Variants in ADGRF1 observed in about 807,000 individuals in gnomAD.
The protein encoded by ADGRF1 is adhesion G protein-coupled receptor F1, also known as G protein-coupled receptor 110.
In ADGRF1, 85 loss-of-function variants were observed where a neutral mutation model predicts 87.2. The observed-to-expected ratio is 0.97, with a 90% confidence interval of 0.82 to 1.17. The LOEUF (loss-of-function observed/expected upper bound fraction) is 1.17. Among genes scored for constraint, ADGRF1 ranks in the 50% most tolerant of loss-of-function variants. The probability of loss-of-function intolerance (pLI) is 0.00; values close to 1 mark genes in which losing one functional copy is unlikely to be tolerated. For synonymous variants in ADGRF1, 430 were observed against 408.8 expected, an observed-to-expected ratio of 1.05 and a Z score of -0.63; for missense variants, 1,169 against 1,077.2, an observed-to-expected ratio of 1.09 and a Z score of -1.19.
At chr6:47,025,310 A>C (rs1198376873) in intron 4 of ADGRF1, among the ~76,000 whole-genome samples, 1 of 152,224 alleles carries the variant, frequency 6.6e-6, no homozygotes, top group African/African-American at 2.4e-5. Flanking sequence ...AGACAAATGA[A>C]GAATTTGCAT....
chr6:47,001,071 G>A (rs1410810374), intron 14 of ADGRF1, among the ~76,000 whole-genome samples: 2 of 152,242 alleles, frequency 1.3e-5, no homozygotes, highest in Admixed American at 6.5e-5. Context: ...CCTGCCCAGG[G>A]GCATTTTAGG....
chr6:47,038,466 G>A (rs1379176935), intron 1 of ADGRF1, among the ~76,000 whole-genome samples: 1 of 151,788 alleles, frequency 6.6e-6, no homozygotes, highest in Non-Finnish European at 1.5e-5. Flanking sequence ...ATTTTTAATT[G>A]ACAAATAATA....
intron 1 of ADGRF1, among the ~76,000 whole-genome samples, chr6:47,037,435 G>T (rs1473539279): frequency 6.6e-6 from 1 of 152,082 alleles, no homozygotes. Flanking sequence ...ATTTTCTTCT[G>T]CACAAAAGTT....
chr6:47,021,943 G>A lies in ADGRF1; in HGVS notation c.552+15C>T, dbSNP rs111465580. The A allele has an allele frequency of 6.7e-5, 92 of 1,372,468 alleles. No homozygotes were observed. The African/African-American group carries it at 9.5e-4, about 14-fold the overall frequency. The allele number at this position is 1,372,468 out of a possible 1,614,324, so 85.0% of individuals were successfully genotyped here. A position where few individuals can be genotyped will look rare whatever the true frequency, so the allele number is the denominator to read the frequency against. ...TAGCAAACGATTCCTTATATAATAA[G>A]TAGAAAGTGCTTACTTGAATTTCAA... On this transcript the variant is annotated intron_variant, in intron 6 of 14. Coordinates refer to ENST00000371253, the MANE Select transcript of ADGRF1 (RefSeq NM_153840.4).
In ADGRF1 at chr6:47,027,083, G is replaced by A. The variant is rs140678353; in HGVS notation, c.127+621C>T. 4.0e-3 allele frequency among the ~76,000 whole-genome samples: 616 copies of A among 152,282 alleles called. 6 individuals carry two copies. The highest frequency in any genetic ancestry group is 0.014 in the African/African-American group (592 of 41,542). ...AGTGTGAGGGTTTAATTCATCTAATGCACTTCAAATAGTCCTGCCACATAG... is the reference window on the plus strand; with the variant it reads ...AGTGTGAGGGTTTAATTCATCTAATACACTTCAAATAGTCCTGCCACATAG... On this transcript the variant is annotated intron_variant, in intron 3 of 14. Coordinates refer to ENST00000371253, the MANE Select transcript of ADGRF1 (RefSeq NM_153840.4).
chr6:47,017,071 G>C (rs574754237), intron 7 of ADGRF1: 1 of 157,562 alleles, frequency 6.3e-6, no homozygotes, highest in African/African-American at 2.4e-5. Flanking sequence ...GAGGCCTGAG[G>C]CCAGCTATGC....
chr6:47,035,723 A>G (rs1780569118), intron 1 of ADGRF1, among the ~76,000 whole-genome samples: 1 of 152,194 alleles, frequency 6.6e-6, no homozygotes, highest in African/African-American at 2.4e-5. Context: ...ATGATTGTTA[A>G]TTTGATCTCC....
At chr6:47,020,592 G>A (rs887920048) in intron 7 of ADGRF1, 139 bp downstream of exon 7, 23 of 1,525,694 alleles carry the variant, frequency 1.5e-5, no homozygotes, top group African/African-American at 5.6e-5. Context: ...ACAGATCCTT[G>A]TTCACTTAGT....
Position 47,014,793 on chromosome 6 carries a change from G to T in ADGRF1, c.815C>A (p.Thr272Asn), listed in dbSNP as rs780304791. Reference protein sequence around the residue: ...FGFGSKDDEYTLPCSSGYRGN... With the variant: ...FGFGSKDDEYNLPCSSGYRGN... Reference sequence around the variant, plus strand: ...CCTGTAGCCACTGCTGCAGGGCAGGGTATATTCATCATCCTTGGACCCAAA... The same window carrying T: ...CCTGTAGCCACTGCTGCAGGGCAGGTTATATTCATCATCCTTGGACCCAAA... The change falls in exon 9 of 15, where the codon ACC (threonine) becomes AAC (asparagine). Residue 272 changes from threonine to asparagine, a missense_variant. By Grantham distance (65) the Thr-to-Asn change is moderately conservative. Coordinates refer to ENST00000371253, the MANE Select transcript of ADGRF1 (RefSeq NM_153840.4). 1.2e-6 allele frequency: 2 copies of T among 1,613,798 alleles called. No homozygotes were observed. Among genetic ancestry groups the T allele is most frequent in the Non-Finnish European group, 1.7e-6 (2 of 1,179,868 alleles).
At chr6:47,007,356 T>G in intron 11 of ADGRF1, 62 bp from the exon 12 acceptor site, 2 of 1,019,388 alleles carry the variant, frequency 2.0e-6, no homozygotes, top group Non-Finnish European at 3.0e-6. Flanking sequence ...AAGAAAGCAT[T>G]TATATGTAAC....
intron 4 of ADGRF1, among the ~76,000 whole-genome samples, chr6:47,025,098 A>T (rs955622709): frequency 1.3e-5 from 2 of 152,156 alleles, no homozygotes; most frequent in Non-Finnish European, 2.9e-5. Flanking sequence ...TAGCAATCCT[A>T]TATGCCTGCC....
chr6:47,028,919 G>C (rs916130955), intron 2 of ADGRF1, 74 bp downstream of exon 2: 1 of 1,124,886 alleles, frequency 8.9e-7, no homozygotes, highest in Non-Finnish European at 1.4e-6. Flanking sequence ...CCTAGAGAGT[G>C]AGGGGTTCTA....
chr6:47,027,880 G>A (rs1178187317), intron 2 of ADGRF1, 119 bp from the exon 3 acceptor site: 3 of 718,046 alleles, frequency 4.2e-6, no homozygotes, highest in African/African-American at 3.5e-5. Context: ...CAGGGATGGT[G>A]GAGAGGCGGC....
chr6:47,000,111 C>A lies in ADGRF1; in HGVS notation c.*111G>T. On this transcript the variant is annotated 3_prime_UTR_variant, in exon 15 of 15. Coordinates refer to ENST00000371253, the MANE Select transcript of ADGRF1 (RefSeq NM_153840.4). ...GAGACATTCTTGTTTTATTCCCAGA[C>A]CCCTAAATCAGAAAACCCGATCGAA... is the stretch of plus-strand genomic sequence containing the variant. 1 of 744,846 alleles carries A rather than the reference C, an allele frequency of 1.3e-6. No individual in the cohort carries two copies. The highest frequency in any genetic ancestry group is 2.3e-6 in the Non-Finnish European group (1 of 429,028). The allele number at this position is 744,846 out of a possible 1,614,324, so 46.1% of individuals were successfully genotyped here.
At chr6:47,021,448 C>T (rs1780048536) in intron 6 of ADGRF1, among the ~76,000 whole-genome samples, 1 of 152,136 alleles carries the variant, frequency 6.6e-6, no homozygotes. Context: ...ACAAACTCCA[C>T]CTCCCGGGTT....
intron 1 of ADGRF1, among the ~76,000 whole-genome samples, chr6:47,030,143 CCCCACACTG>C (rs1780367292): frequency 6.6e-6 from 1 of 152,164 alleles, no homozygotes; most frequent in South Asian, 2.1e-4. Context: ...TCCAGTGCCA[CCCCACACTG>C]CCCTCTAATC....
chr6:47,008,176 G>C (rs929358432), intron 11 of ADGRF1, among the ~76,000 whole-genome samples: 3 of 152,158 alleles, frequency 2.0e-5, no homozygotes, highest in Non-Finnish European at 2.9e-5. Flanking sequence ...TTTAAGTCTA[G>C]AGTTCAAATG....
In ADGRF1 at chr6:46,999,066, G is replaced by A. The variant is rs1779287040; in HGVS notation, c.*1156C>T. 6.6e-6 allele frequency: 1 copy of A among 152,244 alleles called. No homozygotes were observed. Among genetic ancestry groups the A allele is most frequent in the Admixed American group, 6.5e-5 (1 of 15,280 alleles). The allele number at this position is 152,244 out of a possible 1,614,324, so 9.4% of individuals were successfully genotyped here. A position where few individuals can be genotyped will look rare whatever the true frequency, so the allele number is the denominator to read the frequency against. On this transcript the variant is annotated 3_prime_UTR_variant, in exon 15 of 15. Transcript: ENST00000371253. Reference sequence around the variant, plus strand: ...CAGCAAGGATGAATCAAAGGCTCGGGTTCCTCTGGGCACTATGGTCACGGC... The same window carrying A: ...CAGCAAGGATGAATCAAAGGCTCGGATTCCTCTGGGCACTATGGTCACGGC...
intron 1 of ADGRF1, among the ~76,000 whole-genome samples, chr6:47,029,627 T>C (rs1044751837): frequency 6.6e-6 from 1 of 152,202 alleles, no homozygotes; most frequent in Non-Finnish European, 1.5e-5. Flanking sequence ...ATAATTTAGA[T>C]AAAACTCAGT....
Sources: allele counts gnomAD v4.1 joint callset (sites outside exome capture counted in the v4.1 genomes callset), GRCh38; gene constraint gnomAD v4.1.1; transcripts MANE v1.5; gene names NCBI Gene and HGNC (gene_info 2026-07-23, HGNC 2026-07-21).